The following KCNK2 variants were observed in gnomAD, a reference collection of about 807,000 sequenced individuals.
KCNK2 encodes the protein potassium two pore domain channel subfamily K member 2, also known as potassium channel subfamily K member 2.
KCNK2 carries 21 observed loss-of-function variants against 40.5 expected under a neutral mutation model. The ratio of observed to expected loss-of-function variants is 0.52; its 90% CI spans 0.37 to 0.75. KCNK2 has a LOEUF of 0.75. KCNK2 is among the 30% of genes least tolerant of loss of function. The pLI is 0.00. For missense variants in KCNK2, 399 were observed against 531.6 expected (o/e 0.75, Z 2.45); for synonymous variants, 191 against 202.2 (o/e 0.94, Z 0.47).
intron 1 of KCNK2, among the ~76,000 whole-genome samples, chr1:215,062,628 G>C (rs1215369788): frequency 6.6e-6 from 1 of 151,102 alleles, no homozygotes; most frequent in Non-Finnish European, 1.5e-5. Flanking sequence ...TTTAGGCTTA[G>C]AGTTTTATTT....
At chr1:215,162,746 T>C (rs1324904381) in intron 3 of KCNK2, among the ~76,000 whole-genome samples, 1 of 152,202 alleles carries the variant, frequency 6.6e-6, no homozygotes, top group Non-Finnish European at 1.5e-5. Context: ...TGTGGCATTA[T>C]ATCTGAGGCC....
At chr1:215,167,632 T>A (rs1291009655) in intron 3 of KCNK2, among the ~76,000 whole-genome samples, 2 of 152,128 alleles carry the variant, frequency 1.3e-5, no homozygotes, top group Non-Finnish European at 1.5e-5. Flanking sequence ...TAATTTTAAG[T>A]TTTTAGATAT....
intron 3 of KCNK2, among the ~76,000 whole-genome samples, chr1:215,140,230 T>C (rs1397274852): frequency 6.6e-6 from 1 of 152,176 alleles, no homozygotes; most frequent in African/African-American, 2.4e-5. Flanking sequence ...TTTACTTTTC[T>C]AAGGGGGAAA....
intron 1 of KCNK2, among the ~76,000 whole-genome samples, chr1:215,056,804 C>T (rs1658186643): frequency 6.6e-6 from 1 of 151,924 alleles, no homozygotes; most frequent in South Asian, 2.1e-4. Context: ...AAAGTTCAGT[C>T]AGGCTGCAGA....
chr1:215,203,185 A>G (rs1665150076), intron 6 of KCNK2, among the ~76,000 whole-genome samples: 1 of 152,208 alleles, frequency 6.6e-6, no homozygotes, highest in African/African-American at 2.4e-5. Context: ...TAGATCAGTG[A>G]AATCAACCTA....
At chr1:215,132,020 C>CA (rs1471276497) in intron 3 of KCNK2, among the ~76,000 whole-genome samples, 1 of 151,530 alleles carries the variant, frequency 6.6e-6, no homozygotes, top group Non-Finnish European at 1.5e-5. Flanking sequence ...CAAAACAAAA[C>CA]AAAAAAACAC....
chr1:215,148,080 CTTTTTTT>C (rs756218432), intron 3 of KCNK2, among the ~76,000 whole-genome samples: 9 of 111,180 alleles, frequency 8.1e-5, no homozygotes, highest in Non-Finnish European at 1.2e-4. Context: ...TTTTCTTTTC[CTTTTTTT>C]TTTTTTTTTT....
intron 1 of KCNK2, among the ~76,000 whole-genome samples, chr1:215,026,892 T>C (rs916844424): frequency 6.6e-6 from 1 of 152,052 alleles, no homozygotes; most frequent in South Asian, 2.1e-4. Flanking sequence ...TATTAATTTA[T>C]TCCATTTGAA....
At chr1:215,179,820 G>GA (rs1664152719) in intron 5 of KCNK2, among the ~76,000 whole-genome samples, 1 of 152,096 alleles carries the variant, frequency 6.6e-6, no homozygotes, top group Non-Finnish European at 1.5e-5. Context: ...GTGCAGATGA[G>GA]AAAAATGTAT....
chr1:215,150,026 T>G (rs1662614952), intron 3 of KCNK2, among the ~76,000 whole-genome samples: 1 of 152,158 alleles, frequency 6.6e-6, no homozygotes, highest in South Asian at 2.1e-4. Flanking sequence ...CCCCTGACCT[T>G]ACGGAACTTC....
At chr1:215,070,886 A>G (rs981476168) in intron 1 of KCNK2, among the ~76,000 whole-genome samples, 1 of 152,222 alleles carries the variant, frequency 6.6e-6, no homozygotes, top group Non-Finnish European at 1.5e-5. Flanking sequence ...AATGTATCAG[A>G]GGTAAAGAAG....
At chr1:215,093,756 TATTATATAATATAA>T (rs1659822839) in intron 2 of KCNK2, among the ~76,000 whole-genome samples, 5 of 71,758 alleles carry the variant, frequency 7.0e-5, no homozygotes, top group East Asian at 3.6e-4. Flanking sequence ...ATATATTATA[TATTATATAATATAA>T]AATATATTAT....
At chr1:215,167,715 A>T (rs1044889248) in intron 3 of KCNK2, among the ~76,000 whole-genome samples, 1 of 152,186 alleles carries the variant, frequency 6.6e-6, no homozygotes, top group East Asian at 1.9e-4. Flanking sequence ...TAACTTAAGC[A>T]TATCTGAATA....
intron 2 of KCNK2, among the ~76,000 whole-genome samples, chr1:215,098,033 C>T (rs1660055186): frequency 1.3e-5 from 2 of 151,946 alleles, no homozygotes; most frequent in East Asian, 1.9e-4. Flanking sequence ...TCATTCAACT[C>T]TTTGTTTTTA....
intron 2 of KCNK2, among the ~76,000 whole-genome samples, chr1:215,118,438 A>G (rs913946178): frequency 6.6e-6 from 1 of 152,154 alleles, no homozygotes. Flanking sequence ...TCAAGTTTTT[A>G]AAAATAATCT....
chr1:215,007,023 A>ATGTG (rs1436577962), intron 1 of KCNK2, among the ~76,000 whole-genome samples: 4 of 25,860 alleles, frequency 1.5e-4, no homozygotes, highest in African/African-American at 3.2e-4. Flanking sequence ...ATATATATAT[A>ATGTG]TATATATATA....
intron 2 of KCNK2, among the ~76,000 whole-genome samples, chr1:215,087,986 A>G (rs1659520899): frequency 6.6e-6 from 1 of 152,180 alleles, no homozygotes; most frequent in Non-Finnish European, 1.5e-5. Flanking sequence ...ATTTGCCTTA[A>G]GTTTTGAAAA....
chr1:215,149,642 G>A (rs1482684272), intron 3 of KCNK2, among the ~76,000 whole-genome samples: 3 of 152,146 alleles, frequency 2.0e-5, no homozygotes, highest in African/African-American at 7.2e-5. Flanking sequence ...AAGCTAGTAC[G>A]ATTATTTTTA....
upstream of KCNK2, chr1:215,081,658 C>T (rs1659158495): frequency 6.6e-6 from 1 of 151,898 alleles, no homozygotes; most frequent in Non-Finnish European, 1.5e-5. Context: ...CCAATCTGGC[C>T]GAGCAGCAGT....
Sources: gnomAD v4.1 joint callset for allele counts (sites outside exome capture counted in the v4.1 genomes callset) on GRCh38, gnomAD v4.1.1 for gene constraint, MANE v1.5 for transcripts, NCBI Gene and HGNC (gene_info 2026-07-23, HGNC 2026-07-21) for gene names.